MIGA1: variants seen among roughly 807,000 people sequenced by gnomAD.
MIGA1 encodes family with sequence similarity 73, member A.
A neutral mutation model predicts 82.0 loss-of-function variants in MIGA1; 58 were observed. That is an observed-to-expected ratio of 0.71 (90% CI 0.57 to 0.88). The LOEUF (loss-of-function observed/expected upper bound fraction) is 0.88, where lower values mean the gene tolerates loss of function less well. MIGA1 is among the 40% of genes least tolerant of loss of function. MIGA1 has a pLI of 0.00. For synonymous variants in MIGA1, 249 were observed against 253.6 expected (o/e 0.98, Z 0.17); for missense variants, 751 against 749.1 (o/e 1.00, Z -0.03).
chr1:77,838,658 G>C (rs1684518757), intron 7 of MIGA1, among the ~76,000 whole-genome samples: 1 of 152,134 alleles, frequency 6.6e-6, no homozygotes, highest in Non-Finnish European at 1.5e-5. Flanking sequence ...ATGTTGGCCA[G>C]GCTGATCTCG....
intron 8 of MIGA1, among the ~76,000 whole-genome samples, chr1:77,844,100 T>TAAAAAAAA (rs140327554): frequency 5.8e-5 from 4 of 68,432 alleles, no homozygotes; most frequent in South Asian, 5.4e-4. Flanking sequence ...GACCCTGTCT[T>TAAAAAAAA]AAAAAAAAAA....
chr1:77,847,100 G>T (rs949683056), intron 8 of MIGA1: 2 of 831,552 alleles, frequency 2.4e-6, no homozygotes, highest in Non-Finnish European at 4.3e-6. Flanking sequence ...AGTAGATATG[G>T]GAACAAGATG....
intron 8 of MIGA1, among the ~76,000 whole-genome samples, chr1:77,849,794 T>G (rs1288424380): frequency 6.6e-6 from 1 of 152,126 alleles, no homozygotes. Flanking sequence ...CCCAGCACTT[T>G]GGGAGACCGA....
Position 77,783,222 on chromosome 1 carries a change from G to T in MIGA1, c.82-16G>T. The T allele has an allele frequency of 6.6e-7, 1 of 1,507,482 alleles. No homozygotes were observed. The highest frequency in any genetic ancestry group is 9.1e-7 in the Non-Finnish European group (1 of 1,104,968). The allele number at this position is 1,507,482 out of a possible 1,614,324, so 93.4% of individuals were successfully genotyped here. On this transcript the variant is annotated splice_polypyrimidine_tract_variant and intron_variant, in intron 1 of 15. Coordinates refer to ENST00000370791, the MANE Select transcript of MIGA1 (RefSeq NM_198549.4). ...AATCTTTGTGGCTAATTTTTTTTAT[G>T]TTTCATTTAATGAAGATTAGAAGAG... is the stretch of plus-strand genomic sequence containing the variant.
chr1:77,832,472 T>A (rs1261849915), intron 7 of MIGA1, among the ~76,000 whole-genome samples: 1 of 152,194 alleles, frequency 6.6e-6, no homozygotes, highest in Non-Finnish European at 1.5e-5. Flanking sequence ...ATAACATGTT[T>A]ATAAAGTGCT....
rs549825776 is a variant in MIGA1, at chr1:77,823,062, C to T, written c.895+7831C>T. Among the ~76,000 whole-genome samples the T allele has an allele frequency of 2.6e-5, 4 of 151,536 alleles. No individual in the cohort carries two copies. In the East Asian group the frequency reaches 7.8e-4, roughly 29 times the overall value. ...TTCACCACGTTGACCAGGCTGGTCT[C>T]GAACTCCTGACCTCGTGATCCTCCC... On this transcript the variant is annotated intron_variant, in intron 7 of 15. Transcript: ENST00000370791.
chr1:77,847,940 GA>G, intron 8 of MIGA1: 2 of 1,353,970 alleles, frequency 1.5e-6, no homozygotes, highest in Non-Finnish European at 2.1e-6. Flanking sequence ...CTGCAGAAGG[GA>G]AAAGGTCGTA....
At chr1:77,854,923 T>C (rs1685189450) in intron 8 of MIGA1, among the ~76,000 whole-genome samples, 1 of 152,180 alleles carries the variant, frequency 6.6e-6, no homozygotes, top group Non-Finnish European at 1.5e-5. Context: ...TATTTCTTTG[T>C]TTTTATTGCA....
At position 77,813,788 on chromosome 1, in the gene MIGA1, G is replaced by A. The variant is rs775087564; in HGVS notation, c.692G>A (p.Arg231His). ...CGATGGGAACAAGCTCTGACCTTTC[G>A]CAATAGACAGGCTGAAGATGAAGCC... is the stretch of plus-strand genomic sequence containing the variant. The change falls in exon 6 of 16, where the codon CGC becomes CAC. Residue 231 changes from arginine to histidine, a missense_variant. Around this residue, in one of 3 missense-constraint regions of MIGA1, gnomAD observed 482 missense variants for 439.4 expected, o/e 1.10. Coordinates refer to ENST00000370791, the MANE Select transcript of MIGA1 (RefSeq NM_198549.4). The A allele has an allele frequency of 2.5e-6, 4 of 1,614,152 alleles. No homozygotes were observed. The highest frequency in any genetic ancestry group is 1.3e-5 in the African/African-American group (1 of 75,044).
chr1:77,848,737 A>G, intron 8 of MIGA1: 1 of 1,484,332 alleles, frequency 6.7e-7, no homozygotes. Flanking sequence ...AGCTAGAGAC[A>G]GGTACTTGGC....
intron 7 of MIGA1, among the ~76,000 whole-genome samples, chr1:77,829,315 C>G (rs756237585): frequency 1.3e-5 from 2 of 151,934 alleles, no homozygotes; most frequent in Admixed American, 1.3e-4. Context: ...TGGTGGCATG[C>G]GTGTATATGC....
chr1:77,794,189 C>T (rs1316221172), intron 2 of MIGA1, among the ~76,000 whole-genome samples: 2 of 152,164 alleles, frequency 1.3e-5, no homozygotes, highest in Non-Finnish European at 2.9e-5. Flanking sequence ...ATATTAATGT[C>T]TGTTATAACT....
At chr1:77,844,906 T>C (rs1436096818) in intron 8 of MIGA1, among the ~76,000 whole-genome samples, 1 of 152,166 alleles carries the variant, frequency 6.6e-6, no homozygotes, top group Non-Finnish European at 1.5e-5. Context: ...CGCTTGAACC[T>C]GGGAGATGGA....
At chr1:77,814,986 C>T (rs904954640) in intron 6 of MIGA1, 122 bp from the exon 7 acceptor site, 5 of 628,592 alleles carry the variant, frequency 8.0e-6, no homozygotes, top group Non-Finnish European at 1.2e-5. Context: ...CTCTTTCCAC[C>T]ATCTCTCAGT....
intron 14 of MIGA1, among the ~76,000 whole-genome samples, chr1:77,867,709 C>A (rs750592476): frequency 1.4e-4 from 21 of 152,190 alleles, no homozygotes; most frequent in Non-Finnish European, 2.6e-4. Flanking sequence ...TTGACTGTTA[C>A]AACATTATTA....
intron 8 of MIGA1, among the ~76,000 whole-genome samples, chr1:77,852,181 G>A (rs1399020319): frequency 1.3e-5 from 2 of 151,894 alleles, no homozygotes; most frequent in African/African-American, 4.8e-5. Context: ...CACCGCACCT[G>A]GCCCCCAGTT....
chr1:77,791,122 T>C (rs940655742), intron 2 of MIGA1, among the ~76,000 whole-genome samples: 1 of 151,644 alleles, frequency 6.6e-6, no homozygotes, highest in African/African-American at 2.4e-5. Context: ...GGTAGGTGCC[T>C]ATAGTTCTAG....
intron 10 of MIGA1, 66 bp from the exon 11 acceptor site, chr1:77,859,974 T>G: frequency 1.0e-6 from 1 of 991,840 alleles, no homozygotes; most frequent in Non-Finnish European, 1.6e-6. Flanking sequence ...TTTGTGCTAT[T>G]AAGTTGAATG....
rs186231742 is a variant in MIGA1 at position 77,824,103 on chromosome 1, G to A, written c.895+8872G>A. On this transcript the variant is annotated intron_variant, in intron 7 of 15. Transcript: ENST00000370791. ...AAGATCTGACATTTCTGTTAATTTA[G>A]CAGCAAACATGCTGGAAATATTAGA... Among the ~76,000 whole-genome samples, 113 of 152,294 alleles carry A rather than the reference G, an allele frequency of 7.4e-4. 3 individuals carry two copies. In the East Asian group the frequency reaches 0.021, roughly 28 times the overall value.
Sources: allele counts gnomAD v4.1 joint callset (sites outside exome capture counted in the v4.1 genomes callset), GRCh38; gene constraint gnomAD v4.1.1; regional missense constraint gnomAD v4.1.1; transcripts MANE v1.5; gene names NCBI Gene and HGNC (gene_info 2026-07-23, HGNC 2026-07-21).